Variants in TMEM237 observed in about 807,000 individuals in gnomAD.
TMEM237 encodes amyotrophic lateral sclerosis 2 (juvenile) chromosome region, candidate 4.
TMEM237 carries 51 observed loss-of-function variants against 59.1 expected under a neutral mutation model. That is an observed-to-expected ratio of 0.86 (90% CI 0.69 to 1.09). The LOEUF (loss-of-function observed/expected upper bound fraction) is 1.09, where lower values mean the gene tolerates loss of function less well. Ranked by LOEUF, TMEM237 falls within the 50% of genes least tolerant of loss-of-function variation. The pLI is 0.00. For synonymous variants in TMEM237, 140 were observed against 166.1 expected (o/e 0.84, Z 1.21); for missense variants, 475 against 478.3 (o/e 0.99, Z 0.06).
At position 201,629,750 on chromosome 2, in the gene TMEM237, A is replaced by G. The variant is rs200892635; in HGVS notation, c.656T>C (p.Leu219Pro). Residue 219 changes from leucine to proline, a missense_variant, in exon 8 of 13, where the codon CTT (leucine) becomes CCT (proline). By Grantham distance (98) the Leu-to-Pro change is moderately conservative. Coordinates refer to ENST00000409883, the MANE Select transcript of TMEM237 (RefSeq NM_001044385.3). The part of the protein sequence containing the change: ...KPSWTTRDVA[L>P]TVHRAFRMIG... ...CCACCTGAAAGCCCGGTGCACTGTAAGTGCCACATCTCTGGTGGTCCAGGA... is the reference window on the plus strand; with the variant it reads ...CCACCTGAAAGCCCGGTGCACTGTAGGTGCCACATCTCTGGTGGTCCAGGA... 2.5e-5 allele frequency: 40 copies of G among 1,612,366 alleles called. No homozygotes were observed. Among genetic ancestry groups the G allele is most frequent in the Non-Finnish European group, 3.2e-5 (38 of 1,179,604 alleles).
Position 201,643,274 on chromosome 2 carries a change from G to GGCCCCCCCCCCA in TMEM237, c.42+84_42+85insTGGGGGGGGGGC. 3 of 1,206,754 alleles carry GGCCCCCCCCCCA rather than the reference G, an allele frequency of 2.5e-6. No individual in the cohort carries two copies. The highest frequency in any genetic ancestry group is 2.4e-6 in the Non-Finnish European group (2 of 849,316). The allele number at this position is 1,206,754 out of a possible 1,614,324, so 74.8% of individuals were successfully genotyped here. On this transcript the variant is annotated intron_variant, in intron 1 of 12. Coordinates refer to ENST00000409883, the MANE Select transcript of TMEM237 (RefSeq NM_001044385.3). The surrounding 1 kb of genome is among the most constrained non-coding windows in gnomAD (Gnocchi z 4.3). ...CCTTAGTGATTCCCAGCTCGTTGGC[G>GGCCCCCCCCCCA]CCCCCCCACACACACCCACCCCCAC... is the stretch of plus-strand genomic sequence containing the variant.
intron 5 of TMEM237, 173 bp downstream of exon 5, chr2:201,636,575 G>A (rs1687300063): frequency 1.5e-6 from 1 of 683,182 alleles, no homozygotes. Flanking sequence ...GACCTGTAAA[G>A]TATTCTTGGC....
Position 201,635,164 on chromosome 2 carries a change from A to G in TMEM237, c.274+1584T>C, listed in dbSNP as rs777953275. Among the ~76,000 whole-genome samples the G allele has an allele frequency of 6.6e-6, 1 of 152,180 alleles. No individual in the cohort carries two copies. On this transcript the variant is annotated intron_variant, in intron 5 of 12. Coordinates refer to ENST00000409883, the MANE Select transcript of TMEM237 (RefSeq NM_001044385.3). This position sits in a 1 kb window ranked among gnomAD's most constrained non-coding sequence, Gnocchi z 4.5. Reference sequence around the variant, plus strand: ...GCTATATTCTTCCATTCTTTTTACTATGTAGATGTATGTACATATTTACGT... The same window carrying G: ...GCTATATTCTTCCATTCTTTTTACTGTGTAGATGTATGTACATATTTACGT...
In TMEM237 at chr2:201,622,447, C is replaced by T. The variant is rs1329275822; in HGVS notation, c.*1808G>A. On this transcript the variant is annotated 3_prime_UTR_variant, in exon 13 of 13. Transcript: ENST00000409883. ...TTTGTTTCCTTGCTCATTTGGGATA[C>T]TCATAGAACTCAGTTCCTTGTGGTT... The T allele has an allele frequency of 6.6e-6, 1 of 152,274 alleles. No homozygotes were observed. Among genetic ancestry groups the T allele is most frequent in the East Asian group, 1.9e-4 (1 of 5,194 alleles). 9.4% of individuals were successfully genotyped at this position (152,274 alleles called of 1,614,324 possible).
chr2:201,630,366 T>C (rs143194149), intron 7 of TMEM237, among the ~76,000 whole-genome samples: 2 of 152,352 alleles, frequency 1.3e-5, no homozygotes, highest in Admixed American at 6.5e-5. Context: ...CTTTAGAACA[T>C]TCCTGTGAAG....
At chr2:201,626,792 T>G (rs1957762803) in intron 11 of TMEM237, among the ~76,000 whole-genome samples, 1 of 152,192 alleles carries the variant, frequency 6.6e-6, no homozygotes. Context: ...ATTTTAGAAC[T>G]ATAACTTGGC....
chr2:201,628,147 A>G lies in TMEM237; in HGVS notation c.872T>C (p.Ile291Thr), dbSNP rs1460306517. 7 of 1,596,690 alleles carry G rather than the reference A, an allele frequency of 4.4e-6. No homozygotes were observed. Among genetic ancestry groups the G allele is most frequent in the Non-Finnish European group, 5.1e-6 (6 of 1,170,836 alleles). The change falls in exon 10 of 13, where the codon ATT becomes ACT. Residue 291 changes from isoleucine to threonine, a missense_variant and splice_region_variant. Coordinates refer to ENST00000409883, the MANE Select transcript of TMEM237 (RefSeq NM_001044385.3). ...TGCTACTGATATTTTAGCAAAGTCAATCCTAGAAAATATAAAAGTTTCTTG... is the reference window on the plus strand; with the variant it reads ...TGCTACTGATATTTTAGCAAAGTCAGTCCTAGAAAATATAAAAGTTTCTTG... ...ALSTISAFDR[I>T]DFAKISVAIR...
chr2:201,629,210 T>A lies in TMEM237; in HGVS notation c.869+20A>T. 1 of 1,514,458 alleles carries A rather than the reference T, an allele frequency of 6.6e-7. No individual in the cohort carries two copies. The highest frequency in any genetic ancestry group is 8.8e-7 in the Non-Finnish European group (1 of 1,137,398). The allele number at this position is 1,514,458 out of a possible 1,614,324, so 93.8% of individuals were successfully genotyped here. A position where few individuals can be genotyped will look rare whatever the true frequency, so the allele number is the denominator to read the frequency against. ...TTTCCTCCTGAAGAAGTTAGACAGA[T>A]CTGGAGTCATAGGCATTACCTGTCA... On this transcript the variant is annotated intron_variant, in intron 9 of 12. Coordinates refer to ENST00000409883, the MANE Select transcript of TMEM237 (RefSeq NM_001044385.3).
At position 201,627,307 on chromosome 2, in the gene TMEM237, T is replaced by C. The variant is rs1250505317; in HGVS notation, c.1037+14A>G. ...TTGCCATTAACAATTGCTAATGTCA[T>C]TGTGAATTCTTACCAGAGGCTACCA... On this transcript the variant is annotated intron_variant, in intron 11 of 12. Transcript: ENST00000409883. 1.3e-6 allele frequency: 2 copies of C among 1,579,318 alleles called. No homozygotes were observed. The highest frequency in any genetic ancestry group is 2.2e-5 in the East Asian group (1 of 44,468).
At chr2:201,625,399 TA>T (rs1957750204) in intron 12 of TMEM237, among the ~76,000 whole-genome samples, 1 of 149,384 alleles carries the variant, frequency 6.7e-6, no homozygotes, top group African/African-American at 2.5e-5. Flanking sequence ...TATTCAAGGG[TA>T]AAACTGTTGA....
At chr2:201,631,947 T>C (rs948455209) in intron 7 of TMEM237, 104 bp downstream of exon 7, 1 of 1,240,640 alleles carries the variant, frequency 8.1e-7, no homozygotes, top group African/African-American at 1.5e-5. Context: ...TAAATTGTTG[T>C]ACACAGTTTT....
rs113362361 is a variant in TMEM237 at position 201,642,742 on chromosome 2, T to C, written c.42+617A>G. The C allele has an allele frequency of 7.5e-4, 1,113 of 1,484,664 alleles. 5 individuals are homozygous for C. In the African/African-American group the frequency reaches 0.014, roughly 19 times the overall value. 92.0% of individuals were successfully genotyped at this position (1,484,664 alleles called of 1,614,324 possible). ...TCATCGGGCCGCGCCGCCTGGCTAG[T>C]ACCCCGCGCGCAGCGCCCTGCGGGG... is the stretch of plus-strand genomic sequence containing the variant. On this transcript the variant is annotated intron_variant, in intron 1 of 12. Transcript: ENST00000409883.
intron 1 of TMEM237, among the ~76,000 whole-genome samples, chr2:201,641,652 T>A (rs926439798): frequency 9.3e-6 from 1 of 107,662 alleles, no homozygotes. Flanking sequence ...GCATGTACGA[T>A]AAAATATATT....
rs1957705483 is a variant in TMEM237 at position 201,621,246 on chromosome 2, T to C, written c.*3009A>G. ...AAGTCAGACAATTAAAAAATGTAGG[T>C]GAGGCACTCTAAAGCAACTAGCTTG... is the stretch of plus-strand genomic sequence containing the variant. On this transcript the variant is annotated 3_prime_UTR_variant, in exon 13 of 13. Coordinates refer to ENST00000409883, the MANE Select transcript of TMEM237 (RefSeq NM_001044385.3). The C allele has an allele frequency of 6.6e-6, 1 of 152,144 alleles. No homozygotes were observed. Among genetic ancestry groups the C allele is most frequent in the Non-Finnish European group, 1.5e-5 (1 of 68,018 alleles). 9.4% of individuals were successfully genotyped at this position (152,144 alleles called of 1,614,324 possible).
At chr2:201,627,579 AT>A in intron 10 of TMEM237, 165 bp from the exon 11 acceptor site, 1 of 516,654 alleles carries the variant, frequency 1.9e-6, no homozygotes, top group Non-Finnish European at 3.4e-6. Context: ...CCTTATATAA[AT>A]TTTTGAGAAC....
In TMEM237 at chr2:201,630,034, T is replaced by C. The variant is rs375705997; in HGVS notation, c.554-182A>G. Among the ~76,000 whole-genome samples the C allele has an allele frequency of 1.9e-3, 292 of 152,264 alleles. 1 individual carries two copies. Among genetic ancestry groups the C allele is most frequent in the African/African-American group, 6.5e-3 (270 of 41,556 alleles). On this transcript the variant is annotated intron_variant, in intron 7 of 12. Coordinates refer to ENST00000409883, the MANE Select transcript of TMEM237 (RefSeq NM_001044385.3). ...ATCTTTTCTTGGGGTTCCTTAAACA[T>C]AATTTTTCATCTTGAAGAAAAATAA...
At chr2:201,629,101 G>C (rs1957784913) in intron 9 of TMEM237, 129 bp downstream of exon 9, 1 of 621,120 alleles carries the variant, frequency 1.6e-6, no homozygotes, top group African/African-American at 1.9e-5. Context: ...AAGTAGACTG[G>C]CCTTAAAACT....
At chr2:201,629,137 A>C in intron 9 of TMEM237, 93 bp downstream of exon 9, 1 of 1,030,346 alleles carries the variant, frequency 9.7e-7, no homozygotes, top group Non-Finnish European at 1.3e-6. Context: ...GATACTCTAT[A>C]ATTCTATTTT....
At chr2:201,632,647 G>A (rs1246098285) in intron 6 of TMEM237, among the ~76,000 whole-genome samples, 1 of 152,190 alleles carries the variant, frequency 6.6e-6, no homozygotes, top group African/African-American at 2.4e-5. Context: ...GCTGCCCTGT[G>A]AAGAAGGGTG....
Sources: allele counts gnomAD v4.1 joint callset (sites outside exome capture counted in the v4.1 genomes callset), GRCh38; gene constraint gnomAD v4.1.1; non-coding constraint Gnocchi (gnomAD v3.1); transcripts MANE v1.5; gene names NCBI Gene and HGNC (gene_info 2026-07-23, HGNC 2026-07-21).